CLIP2: variants seen among roughly 807,000 people sequenced by gnomAD.
The protein encoded by CLIP2 is CAP-Gly domain containing linker protein 2, also known as CAP-Gly domain-containing linker protein 2.
A neutral mutation model predicts 111.7 loss-of-function variants in CLIP2; 41 were observed. The observed-to-expected ratio is 0.37, with a 90% confidence interval of 0.29 to 0.48. CLIP2 has a LOEUF of 0.48. Ranked by LOEUF, CLIP2 falls within the 20% of genes least tolerant of loss-of-function variation. CLIP2 has a pLI of 0.99. For synonymous variants in CLIP2, 660 were observed against 644.2 expected, an observed-to-expected ratio of 1.02 and a Z score of -0.37; for missense variants, 1,160 against 1,422.1, an observed-to-expected ratio of 0.82 and a Z score of 2.96.
In CLIP2 at chr7:74,401,565, G is replaced by A; in HGVS notation, c.3127G>A (p.Glu1043Lys). 1 of 1,613,886 alleles carries A rather than the reference G, an allele frequency of 6.2e-7. No homozygotes were observed. Reference sequence around the variant, plus strand: ...CCAGCAGGACAAAGCTCAGAAACAAGAGGTGAGGGGCGCCTCGGGCCTCCC... The same window carrying A: ...CCAGCAGGACAAAGCTCAGAAACAAAAGGTGAGGGGCGCCTCGGGCCTCCC... Reference protein sequence around the residue: ...IHQQDKAQKQEDKH With the variant: ...IHQQDKAQKQKDKH Residue 1043 changes from glutamate to lysine, a missense_variant and splice_region_variant, in exon 16 of 17, where the codon GAG (glutamate) becomes AAG (lysine). Physicochemically the swap from Glu to Lys is moderately conservative, Grantham distance 56. Coordinates refer to ENST00000223398, the MANE Select transcript of CLIP2 (RefSeq NM_003388.5).
intron 2 of CLIP2, among the ~76,000 whole-genome samples, chr7:74,321,798 T>C (rs1223788928): frequency 6.6e-6 from 1 of 151,658 alleles, no homozygotes; most frequent in African/African-American, 2.4e-5. Context: ...TAATAAAAAA[T>C]AAGCGTGCAG....
chr7:74,336,592 T>C (rs1385207604), intron 2 of CLIP2, among the ~76,000 whole-genome samples: 1 of 152,042 alleles, frequency 6.6e-6, no homozygotes, highest in African/African-American at 2.4e-5. Flanking sequence ...ACCCCTGTGA[T>C]TCATTAAGCT....
chr7:74,335,803 C>T (rs1181791787), intron 2 of CLIP2, among the ~76,000 whole-genome samples: 6 of 149,672 alleles, frequency 4.0e-5, no homozygotes, highest in Non-Finnish European at 7.4e-5. Flanking sequence ...AGTGCAGTGA[C>T]GCGATCTCGG....
At chr7:74,383,448 A>C (rs1261290116) in intron 11 of CLIP2, among the ~76,000 whole-genome samples, 2 of 152,192 alleles carry the variant, frequency 1.3e-5, no homozygotes, top group African/African-American at 4.8e-5. Flanking sequence ...AGCTTTGTCT[A>C]TGTTGTAATT....
chr7:74,294,154 T>C (rs1788106133), intron 1 of CLIP2, among the ~76,000 whole-genome samples: 1 of 152,172 alleles, frequency 6.6e-6, no homozygotes, highest in African/African-American at 2.4e-5. Flanking sequence ...TGACCTCAAG[T>C]GATCTGCCCG....
At chr7:74,390,193 GAAAGAAA>G (rs1426893989) in intron 13 of CLIP2, among the ~76,000 whole-genome samples, 4 of 98,760 alleles carry the variant, frequency 4.1e-5, no homozygotes, top group African/African-American at 7.4e-5. Context: ...AAGAAAGAAA[GAAAGAAA>G]GAAAGAAAGA....
intron 10 of CLIP2, chr7:74,379,985 T>G (rs1790897151): frequency 6.6e-6 from 1 of 152,146 alleles, no homozygotes; most frequent in Non-Finnish European, 1.5e-5. Context: ...TGAGCCTCAT[T>G]ACTGCATCGT....
chr7:74,305,855 A>G (rs1174866157), intron 1 of CLIP2, among the ~76,000 whole-genome samples: 1 of 52,302 alleles, frequency 1.9e-5, no homozygotes, highest in African/African-American at 1.4e-4. Context: ...CTGCACCCCA[A>G]CCCCCCCCCA....
At chr7:74,373,833 T>C (rs1434183382) in intron 9 of CLIP2, among the ~76,000 whole-genome samples, 2 of 151,706 alleles carry the variant, frequency 1.3e-5, no homozygotes, top group Non-Finnish European at 2.9e-5. Context: ...GCCTGAAACA[T>C]GGGTGCAGGA....
chr7:74,359,545 T>A (rs113450291), intron 6 of CLIP2, among the ~76,000 whole-genome samples: 1 of 151,302 alleles, frequency 6.6e-6, no homozygotes, highest in East Asian at 2.0e-4. Flanking sequence ...TTAGTAGAGA[T>A]GGGGTTTCAC....
intron 15 of CLIP2, among the ~76,000 whole-genome samples, 195 bp from the exon 16 acceptor site, chr7:74,401,310 G>A (rs1791612139): frequency 6.6e-6 from 1 of 152,232 alleles, no homozygotes; most frequent in African/African-American, 2.4e-5. Context: ...GCTTTGCCCT[G>A]AGGAGCTTAG....
At chr7:74,383,483 CTTT>C (rs1791001464) in intron 11 of CLIP2, among the ~76,000 whole-genome samples, 2 of 152,142 alleles carry the variant, frequency 1.3e-5, no homozygotes, top group Admixed American at 1.3e-4. Flanking sequence ...TTCTTCTCTG[CTTT>C]ATCAAAATTC....
intron 2 of CLIP2, among the ~76,000 whole-genome samples, chr7:74,319,780 C>T (rs961544193): frequency 2.0e-5 from 3 of 150,854 alleles, no homozygotes; most frequent in East Asian, 2.0e-4. Flanking sequence ...ATGATCACAC[C>T]GCTGCACTCC....
chr7:74,347,978 C>G (rs573020), intron 3 of CLIP2, among the ~76,000 whole-genome samples: 92,408 of 151,770 alleles, frequency 0.61, 29,991 homozygotes, highest in Middle Eastern at 0.74. Context: ...TCAGGAGTTC[C>G]AGACCAGCCT....
chr7:74,359,576 C>T (rs1554309339), intron 6 of CLIP2, among the ~76,000 whole-genome samples: 3 of 151,820 alleles, frequency 2.0e-5, no homozygotes, highest in Admixed American at 6.6e-5. Flanking sequence ...AGGATGGTCT[C>T]AATCTCCTGA....
At chr7:74,364,518 G>A (rs782290333) in intron 8 of CLIP2, among the ~76,000 whole-genome samples, 86 of 152,298 alleles carry the variant, frequency 5.6e-4, no homozygotes, top group Non-Finnish European at 1.0e-3. Context: ...TGTGCTCCCC[G>A]TGTCAGCAGC....
intron 1 of CLIP2, among the ~76,000 whole-genome samples, chr7:74,299,686 G>A (rs555289812): frequency 2.0e-5 from 3 of 151,942 alleles, no homozygotes; most frequent in South Asian, 2.1e-4. Flanking sequence ...GTGCTGACTC[G>A]AGGCCCTTCT....
intron 2 of CLIP2, among the ~76,000 whole-genome samples, chr7:74,320,926 C>T (rs1404208818): frequency 6.7e-6 from 1 of 148,780 alleles, no homozygotes; most frequent in Non-Finnish European, 1.5e-5. Flanking sequence ...CCGCCCAGCC[C>T]AACCCTGGGG....
chr7:74,384,256 T>G (rs1252428037), intron 11 of CLIP2, among the ~76,000 whole-genome samples: 2 of 151,948 alleles, frequency 1.3e-5, no homozygotes, highest in African/African-American at 4.8e-5. Context: ...CCAAATGATA[T>G]TCCATTGTAT....
Sources: allele counts gnomAD v4.1 joint callset (sites outside exome capture counted in the v4.1 genomes callset), GRCh38; gene constraint gnomAD v4.1.1; transcripts MANE v1.5; gene names NCBI Gene and HGNC (gene_info 2026-07-23, HGNC 2026-07-21).